Variants in TTC9 observed in about 807,000 individuals in gnomAD.
TTC9 encodes the protein tetratricopeptide repeat protein 9A.
TTC9 carries 13 observed loss-of-function variants against 22.9 expected under a neutral mutation model. The observed-to-expected ratio is 0.57, with a 90% CI of 0.37 to 0.90. The LOEUF is 0.90. Among genes scored for constraint, TTC9 ranks in the 40% least tolerant of loss-of-function variants. The pLI, the probability that TTC9 is intolerant of heterozygous loss-of-function variation, is 0.01. For missense variants in TTC9, 280 were observed against 291.8 expected (o/e 0.96, Z 0.29); for synonymous variants, 148 against 133.2 (o/e 1.11, Z -0.77).
intron 1 of TTC9, among the ~76,000 whole-genome samples, chr14:70,662,744 C>A (rs971447736): frequency 4.6e-5 from 7 of 152,118 alleles, no homozygotes; most frequent in African/African-American, 1.7e-4. Flanking sequence ...GACTAGAATC[C>A]AGCTCTTATG....
chr14:70,668,979 ACCCCGT>A (rs1245204688), intron 2 of TTC9, among the ~76,000 whole-genome samples: 74 of 152,040 alleles, frequency 4.9e-4, no homozygotes, highest in Non-Finnish European at 8.7e-4. Flanking sequence ...ACATGGTGAA[ACCCCGT>A]CTCTACTAAA....
intron 2 of TTC9, 141 bp from the exon 3 acceptor site, chr14:70,670,935 C>A: frequency 1.5e-6 from 1 of 672,030 alleles, no homozygotes; most frequent in Non-Finnish European, 2.5e-6. Context: ...GCCCTCTCAG[C>A]CACCATGGAT....
chr14:70,656,746 C>T (rs756565883), intron 1 of TTC9, among the ~76,000 whole-genome samples: 7 of 152,184 alleles, frequency 4.6e-5, no homozygotes, highest in African/African-American at 9.7e-5. Context: ...TAATATGGGG[C>T]GATGGGTTTC....
chr14:70,642,239 G>A lies in TTC9; in HGVS notation c.110G>A (p.Gly37Glu). 1 of 1,358,806 alleles carries A rather than the reference G, an allele frequency of 7.4e-7. No individual in the cohort carries two copies. The highest frequency in any genetic ancestry group is 9.5e-7 in the Non-Finnish European group (1 of 1,055,720). The allele number at this position is 1,358,806 out of a possible 1,614,324, so 84.2% of individuals were successfully genotyped here. ...PPLCVPGGGG[G>E]APARGQVGAA... The stretch of plus-strand genomic sequence containing the variant: ...CTGTGCGTCCCGGGCGGCGGCGGAG[G>A]AGCCCCAGCGAGGGGCCAGGTCGGG... Residue 37 changes from glycine (G) to glutamate (E), a missense_variant, in exon 1 of 3, where the codon GGA becomes GAA. This residue lies in a region of TTC9 where 5 missense variants were observed against 18.7 expected (regional missense o/e 0.27). Coordinates refer to ENST00000256367, the MANE Select transcript of TTC9 (RefSeq NM_015351.2).
rs1477685200 is a variant in TTC9, at chr14:70,674,741, A to G, written c.*3586A>G. The G allele has an allele frequency of 1.3e-5, 2 of 152,202 alleles. No individual in the cohort carries two copies. Among genetic ancestry groups the G allele is most frequent in the African/African-American group, 4.8e-5 (2 of 41,450 alleles). The allele number at this position is 152,202 out of a possible 1,614,324, so 9.4% of individuals were successfully genotyped here. On this transcript the variant is annotated 3_prime_UTR_variant, in exon 3 of 3. Transcript: ENST00000256367. ...GCTCCTTCTGTTCCTTCACTTAATA[A>G]TATCACGAACATTTTCGGCATATCA...
chr14:70,669,596 T>TA (rs564102292), intron 2 of TTC9, among the ~76,000 whole-genome samples: 2 of 151,620 alleles, frequency 1.3e-5, no homozygotes, highest in South Asian at 4.2e-4. Flanking sequence ...TTTTTTTTTT[T>TA]AAACTCAATC....
At chr14:70,655,672 C>G (rs1886054555) in intron 1 of TTC9, among the ~76,000 whole-genome samples, 1 of 152,164 alleles carries the variant, frequency 6.6e-6, no homozygotes, top group South Asian at 2.1e-4. Flanking sequence ...ATGCTGCTCA[C>G]TCTGTTTGCA....
chr14:70,648,269 G>A (rs749089398), intron 1 of TTC9, among the ~76,000 whole-genome samples: 2 of 152,202 alleles, frequency 1.3e-5, no homozygotes, highest in Admixed American at 6.5e-5. Context: ...AATGGGGCTT[G>A]TAATACCTTC....
intron 1 of TTC9, among the ~76,000 whole-genome samples, chr14:70,642,878 C>T (rs950995243): frequency 3.3e-5 from 5 of 152,222 alleles, no homozygotes; most frequent in Admixed American, 6.5e-5. Context: ...CCCGCAGCCA[C>T]CGCTAGCCCA....
intron 1 of TTC9, among the ~76,000 whole-genome samples, chr14:70,643,100 T>C (rs975280833): frequency 6.6e-6 from 1 of 152,200 alleles, no homozygotes; most frequent in African/African-American, 2.4e-5. Flanking sequence ...AATGCCACTT[T>C]CTTCTCTCTG....
At chr14:70,670,198 C>A (rs1886272318) in intron 2 of TTC9, among the ~76,000 whole-genome samples, 1 of 152,232 alleles carries the variant, frequency 6.6e-6, no homozygotes, top group Non-Finnish European at 1.5e-5. Flanking sequence ...TGCAGCCAGA[C>A]ACACCATTTA....
At chr14:70,656,936 G>A (rs945486862) in intron 1 of TTC9, among the ~76,000 whole-genome samples, 1 of 152,224 alleles carries the variant, frequency 6.6e-6, no homozygotes, top group African/African-American at 2.4e-5. Context: ...CCAAAGTCAA[G>A]GGTGAGAGTA....
chr14:70,661,054 C>A (rs117228446), intron 1 of TTC9, among the ~76,000 whole-genome samples: 2 of 152,114 alleles, frequency 1.3e-5, no homozygotes. Context: ...AGTGAAACAT[C>A]AAGGTGTCGG....
In TTC9 at chr14:70,656,210, T is replaced by TACACACACACACAC. The variant is rs34334641; in HGVS notation, c.407-11330_407-11317dup. Among the ~76,000 whole-genome samples, 636 of 148,010 alleles carry TACACACACACACAC rather than the reference T, an allele frequency of 4.3e-3. 9 individuals are homozygous for TACACACACACACAC. Among genetic ancestry groups the TACACACACACACAC allele is most frequent in the Middle Eastern group, 0.024 (7 of 288 alleles). On this transcript the variant is annotated intron_variant, in intron 1 of 2. Coordinates refer to ENST00000256367, the MANE Select transcript of TTC9 (RefSeq NM_015351.2). Reference sequence around the variant, plus strand: ...AAGAAAAAATAATTCTTCACCCTGATACACACACACACACACACACACACA... The same window carrying TACACACACACACAC: ...AAGAAAAAATAATTCTTCACCCTGATACACACACACACACACACACACACACACACACACACACA...
intron 1 of TTC9, among the ~76,000 whole-genome samples, chr14:70,655,188 G>A (rs2139644160): frequency 6.6e-6 from 1 of 152,318 alleles, no homozygotes; most frequent in East Asian, 1.9e-4. Flanking sequence ...GAGGTTGGGT[G>A]TTTGAGAACA....
At chr14:70,664,727 T>TAAA (rs71105722) in intron 1 of TTC9, among the ~76,000 whole-genome samples, 7 of 141,088 alleles carry the variant, frequency 5.0e-5, no homozygotes, top group African/African-American at 1.8e-4. Flanking sequence ...TGACTCCATT[T>TAAA]AAAAAAAAAA....
chr14:70,650,017 G>A (rs1340013476), intron 1 of TTC9, among the ~76,000 whole-genome samples: 5 of 152,142 alleles, frequency 3.3e-5, no homozygotes, highest in Non-Finnish European at 5.9e-5. Flanking sequence ...CAGAATCCCC[G>A]CCCATGTCTC....
chr14:70,662,188 T>C (rs997017796), intron 1 of TTC9, among the ~76,000 whole-genome samples: 2 of 152,198 alleles, frequency 1.3e-5, no homozygotes, highest in Non-Finnish European at 2.9e-5. Flanking sequence ...TCTTCCACCC[T>C]GTACCTCTTC....
Position 70,642,332 on chromosome 14 carries a change from A to C in TTC9, c.203A>C (p.Tyr68Ser), listed in dbSNP as rs760640000. The C allele has an allele frequency of 1.9e-6, 3 of 1,594,266 alleles. No homozygotes were observed. In the African/African-American group the frequency reaches 4.1e-5, roughly 22 times the overall value. ...HEFKSQGAQC[Y>S]KDKKFREAIG... is the part of the protein sequence containing the mutation. ...TTCAAAAGCCAAGGGGCGCAGTGCT[A>C]CAAGGACAAGAAATTCCGTGAAGCC... The change falls in exon 1 of 3, where the codon TAC (tyrosine) becomes TCC (serine). Residue 68 changes from tyrosine to serine, a missense_variant. Physicochemically the swap from Tyr to Ser is moderately radical, Grantham distance 144. Coordinates refer to ENST00000256367, the MANE Select transcript of TTC9 (RefSeq NM_015351.2).
Sources: gnomAD v4.1 joint callset for allele counts (sites outside exome capture counted in the v4.1 genomes callset) on GRCh38, gnomAD v4.1.1 for gene constraint, gnomAD v4.1.1 regional missense constraint, MANE v1.5 for transcripts, NCBI Gene and HGNC (gene_info 2026-07-23, HGNC 2026-07-21) for gene names.